The following YAP1 variants were observed in gnomAD, a reference collection of about 807,000 sequenced individuals.
YAP1 encodes transcriptional coactivator YAP1.
Under a neutral mutation model 56.9 loss-of-function variants are expected in YAP1, and 5 were observed. That is an observed-to-expected ratio of 0.09 (90% CI 0.05 to 0.18). The LOEUF (loss-of-function observed/expected upper bound fraction) is 0.18, where lower values mean the gene tolerates loss of function less well. YAP1 is among the 10% of genes least tolerant of loss of function. The pLI, the probability that YAP1 is intolerant of heterozygous loss-of-function variation, is 1.00. For missense variants in YAP1, 539 were observed against 651.8 expected, an observed-to-expected ratio of 0.83 and a Z score of 1.88; for synonymous variants, 265 against 248.1, an observed-to-expected ratio of 1.07 and a Z score of -0.64.
intron 3 of YAP1, among the ~76,000 whole-genome samples, chr11:102,164,739 T>C (rs1049369167): frequency 6.6e-6 from 1 of 152,106 alleles, no homozygotes; most frequent in African/African-American, 2.4e-5. Flanking sequence ...TTTTTTTCTT[T>C]TGGATGGAGT....
chr11:102,210,056 T>G (rs1432736265), intron 6 of YAP1, among the ~76,000 whole-genome samples: 1 of 151,930 alleles, frequency 6.6e-6, no homozygotes, highest in Non-Finnish European at 1.5e-5. Context: ...ATCAGGAGAG[T>G]ATCTGCCTGG....
intron 2 of YAP1, among the ~76,000 whole-genome samples, chr11:102,120,129 TGAA>T (rs1943561886): frequency 1.3e-5 from 2 of 152,238 alleles, no homozygotes; most frequent in African/African-American, 4.8e-5. Flanking sequence ...GCCGTTTCTA[TGAA>T]GAAGAATTGC....
At chr11:102,180,700 A>AAAG (rs1382096652) in intron 3 of YAP1, among the ~76,000 whole-genome samples, 1 of 150,912 alleles carries the variant, frequency 6.6e-6, no homozygotes, top group African/African-American at 2.4e-5. Context: ...AAAAAAAAAA[A>AAAG]AAGAAGATCA....
intron 6 of YAP1, among the ~76,000 whole-genome samples, chr11:102,220,849 T>C (rs1440107035): frequency 6.6e-6 from 1 of 152,184 alleles, no homozygotes; most frequent in East Asian, 1.9e-4. Flanking sequence ...ATCATTTCGG[T>C]GTAAAGGCGA....
At chr11:102,191,521 C>T (rs987772953) in intron 4 of YAP1, among the ~76,000 whole-genome samples, 5 of 152,098 alleles carry the variant, frequency 3.3e-5, no homozygotes, top group Non-Finnish European at 7.4e-5. Flanking sequence ...AATTTAGATT[C>T]AATGCAGTTA....
chr11:102,179,055 C>T (rs1434801610), intron 3 of YAP1, among the ~76,000 whole-genome samples: 3 of 144,390 alleles, frequency 2.1e-5, no homozygotes, highest in Non-Finnish European at 4.6e-5. Flanking sequence ...CCCCCCACCC[C>T]GTGACCCAGT....
chr11:102,186,814 A>ATGTGTGTGTGTGTGTG (rs10580018), intron 4 of YAP1: 15,636 of 138,230 alleles, frequency 0.11, 1,116 homozygotes, highest in Middle Eastern at 0.18. Flanking sequence ...TTTTTAAAAA[A>ATGTGTGTGTGTGTGTG]TGTGTGTGTG....
chr11:102,162,986 CAT>C (rs1491499708), intron 3 of YAP1, among the ~76,000 whole-genome samples: 1 of 33,166 alleles, frequency 3.0e-5, no homozygotes, highest in African/African-American at 6.9e-5. Context: ...TTTTTTTTTT[CAT>C]TTTTTTTTTT....
chr11:102,195,026 G>C (rs1165263078), intron 4 of YAP1, among the ~76,000 whole-genome samples: 1 of 151,936 alleles, frequency 6.6e-6, no homozygotes, highest in African/African-American at 2.4e-5. Context: ...CCAAGTAGCT[G>C]GTATTACAGG....
intron 3 of YAP1, among the ~76,000 whole-genome samples, chr11:102,182,139 A>G (rs563305855): frequency 6.6e-6 from 1 of 152,054 alleles, no homozygotes; most frequent in Non-Finnish European, 1.5e-5. Context: ...GTTTTAAATC[A>G]GTGGTTCCTT....
chr11:102,182,014 G>A (rs1486601070), intron 3 of YAP1, among the ~76,000 whole-genome samples: 5 of 152,182 alleles, frequency 3.3e-5, no homozygotes, highest in African/African-American at 1.2e-4. Context: ...TAGAGACGGG[G>A]TTTCACCATG....
chr11:102,214,864 CA>C (rs1320837507), intron 6 of YAP1, among the ~76,000 whole-genome samples: 4 of 152,118 alleles, frequency 2.6e-5, no homozygotes, highest in African/African-American at 9.7e-5. Flanking sequence ...AGAAGTCTAT[CA>C]GAAAGAATGT....
chr11:102,200,504 A>G (rs1021651688), intron 4 of YAP1, among the ~76,000 whole-genome samples: 7 of 148,924 alleles, frequency 4.7e-5, no homozygotes, highest in Non-Finnish European at 8.9e-5. Flanking sequence ...GAGTGCAATG[A>G]TGCAATCTCA....
intron 2 of YAP1, among the ~76,000 whole-genome samples, chr11:102,118,628 A>G (rs920709487): frequency 2.0e-5 from 3 of 151,194 alleles, no homozygotes; most frequent in Admixed American, 6.6e-5. Flanking sequence ...GCGCACACCT[A>G]TTGTCCCAGC....
intron 6 of YAP1, among the ~76,000 whole-genome samples, chr11:102,212,079 TC>T (rs929500373): frequency 6.6e-6 from 1 of 152,224 alleles, no homozygotes; most frequent in African/African-American, 2.4e-5. Context: ...AAAGGACTTT[TC>T]AGCCCCAAAG....
chr11:102,213,339 C>T (rs879739850), intron 6 of YAP1, among the ~76,000 whole-genome samples: 2 of 152,090 alleles, frequency 1.3e-5, no homozygotes, highest in Non-Finnish European at 2.9e-5. Context: ...CGGAAATTAG[C>T]TGGATGTGGT....
intron 5 of YAP1, among the ~76,000 whole-genome samples, chr11:102,208,867 T>C (rs935706138): frequency 6.6e-6 from 1 of 152,232 alleles, no homozygotes; most frequent in Non-Finnish European, 1.5e-5. Flanking sequence ...TTTTGTTTTA[T>C]GCCATAGATC....
At chr11:102,142,636 T>C (rs1591208889) in intron 2 of YAP1, among the ~76,000 whole-genome samples, 2 of 152,254 alleles carry the variant, frequency 1.3e-5, no homozygotes, top group African/African-American at 2.4e-5. Flanking sequence ...TTAGACTGTT[T>C]TGATTGTCAA....
intron 2 of YAP1, among the ~76,000 whole-genome samples, chr11:102,116,848 C>A (rs1549496): frequency 0.42 from 63,466 of 151,854 alleles, 15,100 homozygotes; most frequent in Middle Eastern, 0.57. Context: ...ACAGGTAAAT[C>A]TTGCTCAATA....
Sources: gnomAD v4.1 joint callset for allele counts (sites outside exome capture counted in the v4.1 genomes callset) on GRCh38, gnomAD v4.1.1 for gene constraint, MANE v1.5 for transcripts, NCBI Gene and HGNC (gene_info 2026-07-23, HGNC 2026-07-21) for gene names.